The following DLGAP1 variants were observed in gnomAD, a reference collection of about 807,000 sequenced individuals.
DLGAP1 encodes DLG associated protein 1.
A neutral mutation model predicts 90.8 loss-of-function variants in DLGAP1; 11 were observed. That is an observed-to-expected ratio of 0.12 (90% CI 0.08 to 0.20). The LOEUF (loss-of-function observed/expected upper bound fraction) is 0.20. Among genes scored for constraint, DLGAP1 ranks in the 10% least tolerant of loss-of-function variants. The pLI is 1.00. For synonymous variants in DLGAP1, 558 were observed against 540.7 expected, an observed-to-expected ratio of 1.03 and a Z score of -0.44; for missense variants, 1,050 against 1,333.8, an observed-to-expected ratio of 0.79 and a Z score of 3.31.
At chr18:4,033,900 G>A (rs1358537759) in intron 2 of DLGAP1, among the ~76,000 whole-genome samples, 1 of 151,384 alleles carries the variant, frequency 6.6e-6, no homozygotes, top group East Asian at 1.9e-4. Flanking sequence ...CACCATGCCT[G>A]GCTAATTTTT....
At chr18:3,798,648 A>C (rs2066134501) in intron 5 of DLGAP1, among the ~76,000 whole-genome samples, 1 of 152,052 alleles carries the variant, frequency 6.6e-6, no homozygotes, top group Admixed American at 6.6e-5. Context: ...ATTCCCTCTA[A>C]GGTTGTTTAT....
chr18:3,974,712 A>G (rs910375057), intron 3 of DLGAP1, among the ~76,000 whole-genome samples: 3 of 152,170 alleles, frequency 2.0e-5, no homozygotes, highest in Admixed American at 1.3e-4. Flanking sequence ...GACCTAACAT[A>G]AAAAGGAGGT....
intron 3 of DLGAP1, chr18:3,978,216 A>G: frequency 2.3e-6 from 1 of 427,532 alleles, no homozygotes; most frequent in Non-Finnish European, 4.5e-6. Flanking sequence ...CTGTTTTCAT[A>G]CTTCTCATCG....
intron 1 of DLGAP1, among the ~76,000 whole-genome samples, chr18:4,306,223 T>G (rs534728323): frequency 6.6e-6 from 1 of 152,086 alleles, no homozygotes; most frequent in South Asian, 2.1e-4. Context: ...AGCTTACTGG[T>G]AAGTTGATTC....
In DLGAP1 at chr18:3,801,117, G is replaced by A. The variant is rs557324032; in HGVS notation, c.1172+12942C>T. On this transcript the variant is annotated intron_variant, in intron 5 of 12. Coordinates refer to ENST00000315677, the MANE Select transcript of DLGAP1 (RefSeq NM_004746.4). ...ACACTCTTGAACAACCAGATCTTGC[G>A]TGAACTCAAAGTGAGAACCCAGTCG... Among the ~76,000 whole-genome samples, 3 of 152,196 alleles carry A rather than the reference G, an allele frequency of 2.0e-5. No individual in the cohort carries two copies. In the South Asian group the frequency reaches 6.2e-4, roughly 32 times the overall value.
intron 1 of DLGAP1, among the ~76,000 whole-genome samples, chr18:4,388,388 T>C (rs2082277586): frequency 6.6e-6 from 1 of 152,026 alleles, no homozygotes; most frequent in African/African-American, 2.4e-5. Flanking sequence ...AGGAGGTAGA[T>C]GGATATGCAG....
chr18:4,152,227 C>T lies in DLGAP1; in HGVS notation c.-266-940G>A, dbSNP rs528920581. ...TTGTAAGCAATGTATTCTTTTGGATCTAGGTAGCATATTAAAATATTGTCA... is the reference window on the plus strand; with the variant it reads ...TTGTAAGCAATGTATTCTTTTGGATTTAGGTAGCATATTAAAATATTGTCA... On this transcript the variant is annotated intron_variant, in intron 1 of 12. Coordinates refer to ENST00000315677, the MANE Select transcript of DLGAP1 (RefSeq NM_004746.4). Among the ~76,000 whole-genome samples the T allele has an allele frequency of 4.6e-5, 7 of 152,012 alleles. No homozygotes were observed. The East Asian group carries it at 1.2e-3, about 25-fold the overall frequency.
At chr18:3,803,942 T>G (rs2066431435) in intron 5 of DLGAP1, among the ~76,000 whole-genome samples, 1 of 131,360 alleles carries the variant, frequency 7.6e-6, no homozygotes, top group African/African-American at 2.8e-5. Flanking sequence ...TTCTCTTCAT[T>G]GGTTTATGTA....
At chr18:4,274,357 A>G (rs992095321) in intron 1 of DLGAP1, among the ~76,000 whole-genome samples, 1 of 151,924 alleles carries the variant, frequency 6.6e-6, no homozygotes, top group African/African-American at 2.4e-5. Context: ...ATTTCATTCC[A>G]TTTTGGTCAG....
In DLGAP1 at chr18:3,980,364, C is replaced by T. The variant is rs116074525; in HGVS notation, c.-73+24752G>A. On this transcript the variant is annotated intron_variant, in intron 3 of 12. Transcript: ENST00000315677. The stretch of plus-strand genomic sequence containing the variant: ...TTCCAAACTGGAGCATAGAGGAAGA[C>T]GGCTCTGCCACAGGAGAGACACCAG... Among the ~76,000 whole-genome samples, 522 of 152,130 alleles carry T rather than the reference C, an allele frequency of 3.4e-3. 5 individuals are homozygous for T. The highest frequency in any genetic ancestry group is 0.012 in the African/African-American group (488 of 41,500).
rs1300907738 is a variant in DLGAP1 at position 3,845,403 on chromosome 18, G to A, written c.958-31130C>T. ...CACAGGACTTGGGGGTGGGGGGAGAGTGGTTGGTCATGGCTCACAACTCAA... is the reference window on the plus strand; with the variant it reads ...CACAGGACTTGGGGGTGGGGGGAGAATGGTTGGTCATGGCTCACAACTCAA... On this transcript the variant is annotated intron_variant, in intron 4 of 12. Transcript: ENST00000315677. The A allele has an allele frequency of 2.9e-6, 4 of 1,397,930 alleles. No homozygotes were observed. In the African/African-American group the frequency reaches 5.7e-5, roughly 20 times the overall value. The allele number at this position is 1,397,930 out of a possible 1,614,324, so 86.6% of individuals were successfully genotyped here. A position where few individuals can be genotyped will look rare whatever the true frequency, so the allele number is the denominator to read the frequency against.
chr18:3,730,236 G>A (rs1455200948), intron 6 of DLGAP1, among the ~76,000 whole-genome samples: 1 of 152,148 alleles, frequency 6.6e-6, no homozygotes, highest in Non-Finnish European at 1.5e-5. Flanking sequence ...CTGGGCAACA[G>A]AGAGAGATCT....
intron 2 of DLGAP1, among the ~76,000 whole-genome samples, chr18:4,140,537 T>C (rs1442490667): frequency 1.3e-5 from 2 of 152,010 alleles, no homozygotes; most frequent in Non-Finnish European, 2.9e-5. Context: ...TCTCTTAGTC[T>C]TTCTAGTCAA....
rs2057677394 is a variant in DLGAP1 at position 3,612,371 on chromosome 18, A to G, written c.1592-30123T>C. On this transcript the variant is annotated intron_variant, in intron 7 of 12. Transcript: ENST00000315677. The stretch of plus-strand genomic sequence containing the variant: ...AGGAAGCAATATATGGGAAATGCTC[A>G]GTGTATTAACTCAGTAAATGGCATA... Among the ~76,000 whole-genome samples, 3 of 152,364 alleles carry G rather than the reference A, an allele frequency of 2.0e-5. No individual in the cohort carries two copies. In the South Asian group the frequency reaches 6.2e-4, roughly 32 times the overall value.
chr18:3,611,644 A>G (rs1230087980), intron 7 of DLGAP1, among the ~76,000 whole-genome samples: 1 of 152,172 alleles, frequency 6.6e-6, no homozygotes, highest in Non-Finnish European at 1.5e-5. Context: ...GGAACATGGC[A>G]GAACTTACCA....
At chr18:3,516,360 A>G (rs1289523092) in intron 10 of DLGAP1, among the ~76,000 whole-genome samples, 4 of 152,112 alleles carry the variant, frequency 2.6e-5, no homozygotes, top group Non-Finnish European at 4.4e-5. Flanking sequence ...CATCCCCTCA[A>G]GCAATCCCCT....
chr18:3,569,203 T>C (rs2145159087), intron 8 of DLGAP1, among the ~76,000 whole-genome samples: 1 of 151,692 alleles, frequency 6.6e-6, no homozygotes, highest in East Asian at 2.0e-4. Flanking sequence ...GATTTCACCA[T>C]GTTGGTCAGG....
intron 4 of DLGAP1, among the ~76,000 whole-genome samples, chr18:3,858,938 T>C (rs758925552): frequency 6.6e-6 from 1 of 152,182 alleles, no homozygotes; most frequent in East Asian, 1.9e-4. Context: ...GAGTGAACAA[T>C]AGAACTTTCA....
intron 7 of DLGAP1, chr18:3,606,558 G>T (rs995535180): frequency 1.3e-5 from 2 of 152,218 alleles, no homozygotes; most frequent in South Asian, 4.1e-4. Context: ...TGACAGAAAA[G>T]TATAGTAAGA....
Sources: gnomAD v4.1 joint callset for allele counts (sites outside exome capture counted in the v4.1 genomes callset) on GRCh38, gnomAD v4.1.1 for gene constraint, MANE v1.5 for transcripts, NCBI Gene and HGNC (gene_info 2026-07-23, HGNC 2026-07-21) for gene names.